ZNF317: variants seen among roughly 807,000 people sequenced by gnomAD.
ZNF317 encodes KRAB-containing zinc finger protein 317.
A neutral mutation model predicts 23.4 loss-of-function variants in ZNF317; 17 were observed. That is an observed-to-expected ratio of 0.73 (90% CI 0.50 to 1.09). The LOEUF is 1.09. ZNF317 is among the 50% of genes least tolerant of loss of function. The pLI is 0.00. For synonymous variants in ZNF317, 317 were observed against 314.9 expected, an observed-to-expected ratio of 1.01 and a Z score of -0.07; for missense variants, 679 against 796.7, an observed-to-expected ratio of 0.85 and a Z score of 1.78.
chr19:9,145,571 G>T (rs981291332), intron 1 of ZNF317, among the ~76,000 whole-genome samples: 4 of 152,120 alleles, frequency 2.6e-5, no homozygotes, highest in African/African-American at 9.7e-5. Flanking sequence ...TCTTTTTACC[G>T]TTGGTATTAT....
At position 9,157,990 on chromosome 19, in the gene ZNF317, C is replaced by G. The variant is rs145592149; in HGVS notation, c.300C>G (p.Val100=). 2 of 1,551,238 alleles carry G rather than the reference C, an allele frequency of 1.3e-6. No individual in the cohort carries two copies. The highest frequency in any genetic ancestry group is 2.4e-5 in the East Asian group (1 of 40,906). Residue 100 remains valine, a synonymous_variant, in exon 5 of 7, where the codon GTC becomes GTG. Coordinates refer to ENST00000247956, the MANE Select transcript of ZNF317 (RefSeq NM_020933.5). ...YSNLTSLGYQ[V]GKPSLISHLE... ...TTCCCGTGAGTGTAGGGTATCAGGTCGGCAAACCCAGCCTCATCTCACACT... is the reference window on the plus strand; with the variant it reads ...TTCCCGTGAGTGTAGGGTATCAGGTGGGCAAACCCAGCCTCATCTCACACT...
intron 1 of ZNF317, among the ~76,000 whole-genome samples, chr19:9,143,451 A>G (rs949618236): frequency 6.6e-6 from 1 of 152,114 alleles, no homozygotes; most frequent in Non-Finnish European, 1.5e-5. Flanking sequence ...TTGCAGTATC[A>G]TACTTTATTG....
At chr19:9,158,154 G>T in intron 5 of ZNF317, 79 bp downstream of exon 5, 1 of 1,451,608 alleles carries the variant, frequency 6.9e-7, no homozygotes, top group Non-Finnish European at 9.1e-7. Flanking sequence ...GTAGGTTAGG[G>T]AGTGTCACCC....
At chr19:9,156,550 C>T (rs2050784884) in intron 2 of ZNF317, 62 bp from the exon 3 acceptor site, 1 of 1,567,800 alleles carries the variant, frequency 6.4e-7, no homozygotes, top group East Asian at 2.2e-5. Context: ...TCCTGGTTTA[C>T]AAGTGTTGTA....
At chr19:9,141,946 C>T (rs975050836) in intron 1 of ZNF317, among the ~76,000 whole-genome samples, 1 of 152,116 alleles carries the variant, frequency 6.6e-6, no homozygotes, top group Non-Finnish European at 1.5e-5. Context: ...GCTGGGAATA[C>T]AGGCACCCAC....
intron 6 of ZNF317, 118 bp from the exon 7 acceptor site, chr19:9,159,996 C>T: frequency 6.9e-7 from 1 of 1,451,350 alleles, no homozygotes. Context: ...CAGATGGTTA[C>T]AGCTCTAGTC....
Position 9,156,013 on chromosome 19 carries a change from G to C in ZNF317, c.-4G>C, listed in dbSNP as rs1251643078. The C allele has an allele frequency of 1.2e-6, 2 of 1,614,204 alleles. No individual in the cohort carries two copies. The highest frequency in any genetic ancestry group is 2.2e-5 in the South Asian group (2 of 91,088). On this transcript the variant is annotated 5_prime_UTR_variant, in exon 2 of 7. Transcript: ENST00000247956. ...TCAGGCAAACTGACTGCCATTCTCTGAGGATGGCAGCTCTGTCCCCCACAT... is the reference window on the plus strand; with the variant it reads ...TCAGGCAAACTGACTGCCATTCTCTCAGGATGGCAGCTCTGTCCCCCACAT...
chr19:9,153,145 T>A (rs2050750434), intron 1 of ZNF317, among the ~76,000 whole-genome samples: 1 of 144,742 alleles, frequency 6.9e-6, no homozygotes, highest in African/African-American at 2.7e-5. Context: ...TCAAGGTAGT[T>A]GTTTTTGTTT....
chr19:9,152,728 A>G (rs996309141), intron 1 of ZNF317, among the ~76,000 whole-genome samples: 1 of 152,226 alleles, frequency 6.6e-6, no homozygotes, highest in African/African-American at 2.4e-5. Flanking sequence ...TGTAATAATA[A>G]TAGAAATAAA....
intron 1 of ZNF317, among the ~76,000 whole-genome samples, chr19:9,145,951 C>T (rs149640855): frequency 1.3e-4 from 20 of 152,016 alleles, no homozygotes; most frequent in Admixed American, 5.9e-4. Context: ...TTCCAGGGGA[C>T]GCTTATGCAG....
chr19:9,145,968 A>G (rs2050679099), intron 1 of ZNF317, among the ~76,000 whole-genome samples: 1 of 151,526 alleles, frequency 6.6e-6, no homozygotes. Context: ...GCAGCAGACT[A>G]TATTTAAGAA....
intron 1 of ZNF317, among the ~76,000 whole-genome samples, chr19:9,153,154 T>TTGTA (rs1373463316): frequency 5.7e-5 from 8 of 139,628 alleles, no homozygotes; most frequent in Non-Finnish European, 1.2e-4. Context: ...TTGTTTTTGT[T>TTGTA]TGTTTGTTTG....
In ZNF317 at chr19:9,158,900, G is replaced by T. The variant is rs375544712; in HGVS notation, c.460G>T (p.Val154Leu). Residue 154 changes from valine to leucine, a missense_variant, in exon 6 of 7, where the codon GTG becomes TTG. Physicochemically the swap from Val to Leu is conservative, Grantham distance 32. Coordinates refer to ENST00000247956, the MANE Select transcript of ZNF317 (RefSeq NM_020933.5). ...TTTTGGGAAGGAAACGCCCAGTGGT[G>T]TGACGATGGTAAGATTTCCGTGGGA... ...DIFGKETPSG[V>L]TMERAGLGEK... 6.2e-7 allele frequency: 1 copy of T among 1,609,000 alleles called. No homozygotes were observed. The highest frequency in any genetic ancestry group is 1.3e-5 in the African/African-American group (1 of 74,926).
Position 9,158,851 on chromosome 19 carries a change from G to A in ZNF317, c.411G>A (p.Lys137=). 6 of 1,612,496 alleles carry A rather than the reference G, an allele frequency of 3.7e-6. No individual in the cohort carries two copies. Among genetic ancestry groups the A allele is most frequent in the Non-Finnish European group, 4.2e-6 (5 of 1,178,488 alleles). ...CADWETPSKT[K]WSLLMEDIFG... is the part of the protein sequence containing the mutation. ...ATTGGGAGACTCCATCTAAAACCAAGTGGTCACTTCTTATGGAAGATATTT... is the reference window on the plus strand; with the variant it reads ...ATTGGGAGACTCCATCTAAAACCAAATGGTCACTTCTTATGGAAGATATTT... Residue 137 remains lysine (K), a synonymous_variant, in exon 6 of 7, where the codon AAG becomes AAA. Transcript: ENST00000247956.
chr19:9,160,649 A>C lies in ZNF317; in HGVS notation c.1004A>C (p.Glu335Ala). Residue 335 changes from glutamate to alanine, a missense_variant, in exon 7 of 7, where the codon GAG (glutamate) becomes GCG (alanine). By Grantham distance (107) the Glu-to-Ala change is moderately radical. Coordinates refer to ENST00000247956, the MANE Select transcript of ZNF317 (RefSeq NM_020933.5). The surrounding 1 kb of genome is among the most constrained non-coding windows in gnomAD (Gnocchi z 6.8). ...KRTHTGERPY[E>A]CHDCGKAFQH... The stretch of plus-strand genomic sequence containing the variant: ...ACGCACACCGGAGAGAGGCCCTACG[A>C]GTGTCACGACTGTGGGAAAGCTTTC... The C allele has an allele frequency of 2.5e-6, 4 of 1,614,052 alleles. No individual in the cohort carries two copies. Among genetic ancestry groups the C allele is most frequent in the Non-Finnish European group, 3.4e-6 (4 of 1,180,018 alleles).
chr19:9,144,624 G>A lies in ZNF317; in HGVS notation c.-93+4032G>A, dbSNP rs914160499. Reference sequence around the variant, plus strand: ...CTCCTGATTTACATGGTTTTCTTATGCATTTTCATTCTTTCTTTATTGATA... The same window carrying A: ...CTCCTGATTTACATGGTTTTCTTATACATTTTCATTCTTTCTTTATTGATA... On this transcript the variant is annotated intron_variant, in intron 1 of 6. Transcript: ENST00000247956. Among the ~76,000 whole-genome samples the A allele has an allele frequency of 6.6e-5, 10 of 151,966 alleles. No homozygotes were observed. The East Asian group carries it at 9.7e-4, about 15-fold the overall frequency.
intron 1 of ZNF317, among the ~76,000 whole-genome samples, chr19:9,150,690 G>A (rs533747593): frequency 6.6e-6 from 1 of 152,332 alleles, no homozygotes; most frequent in South Asian, 2.1e-4. Context: ...ATGGCTGCAA[G>A]AGCAGTGGCA....
chr19:9,157,905 G>A, intron 4 of ZNF317, 75 bp from the exon 5 acceptor site: 1 of 1,500,124 alleles, frequency 6.7e-7, no homozygotes, highest in Non-Finnish European at 8.9e-7. Context: ...AGACCCAAGT[G>A]TTGAGCCCAG....
chr19:9,144,708 A>T (rs767006069), intron 1 of ZNF317, among the ~76,000 whole-genome samples: 1 of 152,146 alleles, frequency 6.6e-6, no homozygotes, highest in Non-Finnish European at 1.5e-5. Flanking sequence ...TATTATTGCT[A>T]TTGCATACCA....
Sources: gnomAD v4.1 joint callset for allele counts (sites outside exome capture counted in the v4.1 genomes callset) on GRCh38, gnomAD v4.1.1 for gene constraint, Gnocchi (gnomAD v3.1) non-coding constraint, MANE v1.5 for transcripts, NCBI Gene and HGNC (gene_info 2026-07-23, HGNC 2026-07-21) for gene names.